The following PCDH9 variants were observed in gnomAD, a reference collection of about 807,000 sequenced individuals.
The protein encoded by PCDH9 is protocadherin-9.
A neutral mutation model predicts 70.6 loss-of-function variants in PCDH9; 24 were observed. The ratio of observed to expected loss-of-function variants is 0.34; its 90% confidence interval spans 0.25 to 0.48. The LOEUF is 0.48. PCDH9 is among the 20% of genes least tolerant of loss of function. The pLI, the probability that PCDH9 is intolerant of heterozygous loss-of-function variation, is 0.99. For missense variants in PCDH9, 1,281 were observed against 1,503.6 expected (o/e 0.85, Z 2.45); for synonymous variants, 562 against 558.5 (o/e 1.01, Z -0.09).
intron 3 of PCDH9, among the ~76,000 whole-genome samples, chr13:66,840,096 C>T (rs576948597): frequency 6.6e-6 from 1 of 152,176 alleles, no homozygotes; most frequent in Non-Finnish European, 1.5e-5. Flanking sequence ...GTGCTCTGTT[C>T]ACACCATCTC....
intron 4 of PCDH9, among the ~76,000 whole-genome samples, chr13:66,555,248 A>G (rs1006714444): frequency 6.6e-6 from 1 of 152,132 alleles, no homozygotes; most frequent in Non-Finnish European, 1.5e-5. Flanking sequence ...TGGAGACAAA[A>G]GAGTCATTTC....
chr13:66,476,767 G>A (rs1052944079), intron 4 of PCDH9, among the ~76,000 whole-genome samples: 1 of 151,942 alleles, frequency 6.6e-6, no homozygotes, highest in Non-Finnish European at 1.5e-5. Context: ...CACAAACCAG[G>A]AGTGTTATCA....
chr13:67,039,134 T>C (rs2085063508), intron 2 of PCDH9, among the ~76,000 whole-genome samples: 1 of 152,200 alleles, frequency 6.6e-6, no homozygotes, highest in Non-Finnish European at 1.5e-5. Flanking sequence ...GGGACTCTTA[T>C]ATTGGAGATC....
At chr13:66,344,856 A>G (rs959278324) in intron 4 of PCDH9, among the ~76,000 whole-genome samples, 1 of 152,206 alleles carries the variant, frequency 6.6e-6, no homozygotes, top group Non-Finnish European at 1.5e-5. Context: ...GAAGACTGAC[A>G]CAGGACTGCT....
chr13:67,225,861 G>C lies in PCDH9; in HGVS notation c.2580C>G (p.Asn860Lys). 6.2e-7 allele frequency: 1 copy of C among 1,613,970 alleles called. No individual in the cohort carries two copies. The highest frequency in any genetic ancestry group is 8.5e-7 in the Non-Finnish European group (1 of 1,179,976). The stretch of plus-strand genomic sequence containing the variant: ...TTTTCTTGTTTTGCTTGTTCTCCTG[G>C]TTTGGGGACATCCATTCGGCACCTT... ...SKQGAEWMSP[N>K]QENKQNKKKK... Residue 860 changes from asparagine (N) to lysine (K), a missense_variant, in exon 2 of 5, where the codon AAC becomes AAG. Asn to Lys is a moderately conservative substitution (Grantham distance 94, BLOSUM62 0). Transcript: ENST00000377865.
chr13:66,535,210 G>A (rs1026755697), intron 4 of PCDH9, among the ~76,000 whole-genome samples: 1 of 151,888 alleles, frequency 6.6e-6, no homozygotes, highest in African/African-American at 2.4e-5. Flanking sequence ...GAAAGTAAAT[G>A]AAACAGTAAA....
chr13:66,336,154 A>G (rs1956033946), intron 4 of PCDH9, among the ~76,000 whole-genome samples: 1 of 152,122 alleles, frequency 6.6e-6, no homozygotes, highest in Non-Finnish European at 1.5e-5. Context: ...CAGGAGTGAT[A>G]GGACTACTGG....
chr13:66,659,883 T>A (rs928843737), intron 3 of PCDH9, among the ~76,000 whole-genome samples: 10 of 152,116 alleles, frequency 6.6e-5, no homozygotes, highest in Non-Finnish European at 1.5e-5. Flanking sequence ...GTATAACAAG[T>A]TAACAGCAGA....
At chr13:66,749,910 T>C (rs1464146792) in intron 3 of PCDH9, among the ~76,000 whole-genome samples, 1 of 152,206 alleles carries the variant, frequency 6.6e-6, no homozygotes, top group Non-Finnish European at 1.5e-5. Flanking sequence ...ATACATACTT[T>C]CAAACATCAT....
chr13:66,512,016 G>A (rs1298296599), intron 4 of PCDH9, among the ~76,000 whole-genome samples: 1 of 152,000 alleles, frequency 6.6e-6, no homozygotes, highest in Non-Finnish European at 1.5e-5. Context: ...TCTCCATTTT[G>A]TAAAAAATTT....
chr13:66,858,419 T>C (rs540143054), intron 3 of PCDH9, among the ~76,000 whole-genome samples: 5 of 152,198 alleles, frequency 3.3e-5, no homozygotes, highest in Non-Finnish European at 1.5e-5. Flanking sequence ...AAGTGGCCTG[T>C]ATTTCTGTCT....
intron 3 of PCDH9, among the ~76,000 whole-genome samples, chr13:66,683,722 T>C (rs1357288832): frequency 2.0e-5 from 3 of 152,174 alleles, no homozygotes; most frequent in African/African-American, 7.2e-5. Context: ...GGTTTTAAAA[T>C]TGTATGCATA....
At chr13:67,167,488 T>C (rs2088151434) in intron 2 of PCDH9, among the ~76,000 whole-genome samples, 1 of 152,244 alleles carries the variant, frequency 6.6e-6, no homozygotes, top group Non-Finnish European at 1.5e-5. Context: ...AAAAGTTTGA[T>C]GAAGCCACTT....
chr13:66,826,932 C>A (rs374884042), intron 3 of PCDH9, among the ~76,000 whole-genome samples: 7 of 152,254 alleles, frequency 4.6e-5, no homozygotes, highest in African/African-American at 7.2e-5. Flanking sequence ...CTCCTCATCC[C>A]TACAACCTGT....
intron 4 of PCDH9, among the ~76,000 whole-genome samples, chr13:66,513,782 A>G (rs1353674155): frequency 6.7e-6 from 1 of 149,594 alleles, no homozygotes; most frequent in Non-Finnish European, 1.5e-5. Context: ...AAGTCAGGAT[A>G]TTTTTTCCTC....
intron 2 of PCDH9, among the ~76,000 whole-genome samples, chr13:67,034,011 G>A (rs535753206): frequency 6.2e-4 from 95 of 152,212 alleles, no homozygotes; most frequent in Non-Finnish European, 1.2e-3. Flanking sequence ...TTGAGACAGA[G>A]TCTTGCTCTG....
chr13:66,607,324 A>T (rs1001600276), intron 4 of PCDH9, among the ~76,000 whole-genome samples: 6 of 152,090 alleles, frequency 3.9e-5, no homozygotes, highest in Non-Finnish European at 8.8e-5. Flanking sequence ...CAAAGAAAAA[A>T]GTATAAAACT....
chr13:66,754,980 T>C (rs2079518187), intron 3 of PCDH9, among the ~76,000 whole-genome samples: 1 of 152,188 alleles, frequency 6.6e-6, no homozygotes, highest in Non-Finnish European at 1.5e-5. Flanking sequence ...TATATCAATG[T>C]GGAATGAATT....
intron 3 of PCDH9, among the ~76,000 whole-genome samples, chr13:66,721,093 AATT>A (rs1482831158): frequency 6.6e-6 from 1 of 152,182 alleles, no homozygotes; most frequent in Non-Finnish European, 1.5e-5. Context: ...TTAACACAAA[AATT>A]ATTTGCGCAC....
Sources: gnomAD v4.1 joint callset for allele counts (sites outside exome capture counted in the v4.1 genomes callset) on GRCh38, gnomAD v4.1.1 for gene constraint, MANE v1.5 for transcripts, NCBI Gene and HGNC (gene_info 2026-07-23, HGNC 2026-07-21) for gene names.